Variants in SSBP3 observed in about 807,000 individuals in gnomAD.
SSBP3 encodes single-stranded DNA-binding protein 3.
Under a neutral mutation model 69.6 loss-of-function variants are expected in SSBP3, and 5 were observed. The ratio of observed to expected loss-of-function variants is 0.07; its 90% CI spans 0.04 to 0.15. The LOEUF is 0.15. Among genes scored for constraint, SSBP3 ranks in the 10% least tolerant of loss-of-function variants. The pLI is 1.00. For missense variants in SSBP3, 312 were observed against 534.0 expected (o/e 0.58, Z 4.10); for synonymous variants, 196 against 193.4 (o/e 1.01, Z -0.11).
At chr1:54,225,612 G>C in exon 18 of SSBP3, 2 of 377,434 alleles carry the variant, frequency 5.3e-6, no homozygotes, top group Non-Finnish European at 9.0e-6. Flanking sequence ...TCAGGCAGAT[G>C]ATATCTCACA....
At chr1:54,287,006 G>A (rs1286153222) in intron 4 of SSBP3, 1 of 152,204 alleles carries the variant, frequency 6.6e-6, no homozygotes, top group Non-Finnish European at 1.5e-5. Flanking sequence ...GTAGGCAACA[G>A]TGTTGATGCT....
At chr1:54,244,345 A>ACC (rs748117043) in intron 9 of SSBP3, among the ~76,000 whole-genome samples, 1 of 151,852 alleles carries the variant, frequency 6.6e-6, no homozygotes, top group Non-Finnish European at 1.5e-5. Flanking sequence ...CTCAGGATCC[A>ACC]CCCACCTTGG....
intron 4 of SSBP3, chr1:54,326,568 G>A (rs1646309260): frequency 6.6e-6 from 1 of 152,172 alleles, no homozygotes; most frequent in South Asian, 2.1e-4. Flanking sequence ...GCAGCTCCTG[G>A]CACTGGGAAA....
chr1:54,324,382 C>T (rs1646265643), intron 4 of SSBP3, among the ~76,000 whole-genome samples: 1 of 152,222 alleles, frequency 6.6e-6, no homozygotes, highest in African/African-American at 2.4e-5. Flanking sequence ...CATCGAGAAG[C>T]CGGCTGCATT....
chr1:54,284,694 C>G (rs139529192), intron 4 of SSBP3, among the ~76,000 whole-genome samples: 9 of 152,008 alleles, frequency 5.9e-5, no homozygotes, highest in African/African-American at 1.9e-4. Context: ...GTCTTGAACT[C>G]CTGCCCTCAA....
intron 4 of SSBP3, among the ~76,000 whole-genome samples, chr1:54,292,639 G>A (rs749016640): frequency 2.6e-5 from 4 of 152,118 alleles, no homozygotes; most frequent in Admixed American, 6.5e-5. Flanking sequence ...ACCAGACAGC[G>A]GTGACCCTCA....
intron 4 of SSBP3, among the ~76,000 whole-genome samples, chr1:54,319,716 A>T (rs1340430175): frequency 1.3e-5 from 2 of 152,166 alleles, no homozygotes; most frequent in African/African-American, 4.8e-5. Flanking sequence ...CCTGCAGGAA[A>T]AATGGCCAGA....
At chr1:54,269,082 G>A (rs1364118937) in intron 5 of SSBP3, among the ~76,000 whole-genome samples, 5 of 152,078 alleles carry the variant, frequency 3.3e-5, no homozygotes, top group African/African-American at 7.2e-5. Context: ...GCCCCGCCTC[G>A]TGGAATCCTT....
At chr1:54,226,310 GA>G in exon 18 of SSBP3, 1 of 153,274 alleles carries the variant, frequency 6.5e-6, no homozygotes, top group Non-Finnish European at 1.5e-5. Flanking sequence ...GTGGAATCCT[GA>G]AAGGGGTCAG....
intron 4 of SSBP3, among the ~76,000 whole-genome samples, chr1:54,331,122 T>A (rs1646402446): frequency 6.6e-6 from 1 of 152,226 alleles, no homozygotes; most frequent in Non-Finnish European, 1.5e-5. Flanking sequence ...CACATAAACA[T>A]ATGCCCCGAT....
chr1:54,233,488 TG>T (rs1173641812), intron 14 of SSBP3, among the ~76,000 whole-genome samples: 1 of 137,922 alleles, frequency 7.3e-6, no homozygotes, highest in African/African-American at 2.8e-5. Context: ...GGGAGGGAGG[TG>T]GGGGGTCAGC....
intron 4 of SSBP3, chr1:54,285,526 T>G (rs569989718): frequency 1.8e-4 from 28 of 152,180 alleles, no homozygotes; most frequent in Middle Eastern, 3.4e-3. Context: ...ATTATTATTA[T>G]TATAATTAGA....
rs56281276 is a variant in SSBP3, at chr1:54,240,087, T to TGC, written c.856+816_856+817dup. ...GTGTGTGTGTGTGTGTGTGTGTGTG[T>TGC]GCGCGCGCGCGCGTGTGCGTGCGCG... On this transcript the variant is annotated intron_variant, in intron 13 of 17. Coordinates refer to ENST00000610401, the Ensembl canonical transcript of SSBP3. 3.5e-4 allele frequency among the ~76,000 whole-genome samples: 15 copies of TGC among 42,346 alleles called. 1 individual carries two copies. Among genetic ancestry groups the TGC allele is most frequent in the Middle Eastern group, 7.2e-3 (1 of 138 alleles). The allele number at this position is 42,346 out of a possible 152,430, so 27.8% of individuals were successfully genotyped here. A position where few individuals can be genotyped will look rare whatever the true frequency, so the allele number is the denominator to read the frequency against.
chr1:54,289,010 A>T (rs1645545639), intron 4 of SSBP3, among the ~76,000 whole-genome samples: 1 of 113,466 alleles, frequency 8.8e-6, no homozygotes, highest in Non-Finnish European at 1.7e-5. Context: ...ACAGAGCTAG[A>T]CTCTGTCTCC....
chr1:54,375,092 C>G (rs893361156), intron 4 of SSBP3, among the ~76,000 whole-genome samples: 2 of 152,106 alleles, frequency 1.3e-5, no homozygotes, highest in East Asian at 3.9e-4. Flanking sequence ...ACATGCTACC[C>G]GTCTTCTCCA....
chr1:54,262,214 C>A (rs534229390), intron 5 of SSBP3, among the ~76,000 whole-genome samples: 1 of 152,124 alleles, frequency 6.6e-6, no homozygotes, highest in Non-Finnish European at 1.5e-5. Flanking sequence ...CATCTAATCC[C>A]GGACTCCTCG....
intron 4 of SSBP3, among the ~76,000 whole-genome samples, chr1:54,372,835 C>A (rs1055186989): frequency 6.6e-6 from 1 of 152,226 alleles, no homozygotes; most frequent in African/African-American, 2.4e-5. Context: ...GCAATTAACC[C>A]AGGGCCACAC....
intron 4 of SSBP3, among the ~76,000 whole-genome samples, chr1:54,316,393 A>C (rs1011829368): frequency 6.7e-6 from 1 of 148,464 alleles, no homozygotes; most frequent in Non-Finnish European, 1.5e-5. Context: ...TAATCCCAGC[A>C]CTTTGGGAGG....
chr1:54,259,946 A>G (rs1371889377), intron 5 of SSBP3, among the ~76,000 whole-genome samples: 1 of 152,260 alleles, frequency 6.6e-6, no homozygotes, highest in Admixed American at 6.5e-5. Flanking sequence ...ACAGACATTA[A>G]TTAGCCATTT....
Sources: gnomAD v4.1 joint callset for allele counts (sites outside exome capture counted in the v4.1 genomes callset) on GRCh38, gnomAD v4.1.1 for gene constraint, MANE v1.5 for transcripts, NCBI Gene and HGNC (gene_info 2026-07-23, HGNC 2026-07-21) for gene names.